The following CPLANE1 variants were observed in gnomAD, a reference collection of about 807,000 sequenced individuals.
CPLANE1 encodes the protein ciliogenesis and planar polarity effector 1.
In CPLANE1, 263 loss-of-function variants were observed where a neutral mutation model predicts 362.5. The observed-to-expected ratio is 0.73, with a 90% CI of 0.66 to 0.80. The LOEUF (loss-of-function observed/expected upper bound fraction) is 0.80. Among genes scored for constraint, CPLANE1 ranks in the 30% least tolerant of loss-of-function variants. CPLANE1 has a pLI of 0.00. For missense variants in CPLANE1, 3,461 were observed against 3,793.4 expected, an observed-to-expected ratio of 0.91 and a Z score of 2.30; for synonymous variants, 1,212 against 1,302.6, an observed-to-expected ratio of 0.93 and a Z score of 1.50.
At chr5:37,089,509 A>G in the CPLANE1 span, among the ~76,000 whole-genome samples, 24 of 152,272 alleles carry the variant, frequency 1.6e-4, no homozygotes, top group Non-Finnish European at 3.2e-4. Context: ...GTTGAAGAGT[A>G]ATTGAAAGCT....
rs1189998308 is a variant in CPLANE1, at chr5:37,209,537, A to C, written c.2921-3112T>G. On this transcript the variant is annotated intron_variant, in intron 16 of 52. Transcript: ENST00000651892. This position sits in a 1 kb window ranked among gnomAD's most constrained non-coding sequence, Gnocchi z 4.6. ...ACCCTGTATTGAGTGGAGAACTGCA[A>C]CCTCAGTCCATTTCAGTGCAAGGGA... 46 of 1,289,162 alleles carry C rather than the reference A, an allele frequency of 3.6e-5. No homozygotes were observed. Among genetic ancestry groups the C allele is most frequent in the Non-Finnish European group, 4.9e-5 (43 of 885,384 alleles). 79.9% of individuals were successfully genotyped at this position (1,289,162 alleles called of 1,614,324 possible).
intron 39 of CPLANE1, 36 bp from the exon 40 acceptor site, chr5:37,157,904 T>C (rs762654179): frequency 1.7e-5 from 20 of 1,161,134 alleles, no homozygotes; most frequent in Non-Finnish European, 2.4e-5. Flanking sequence ...GAGGGTTACA[T>C]TCTTTTTACT....
At chr5:37,160,316 A>G (rs1776489154) in intron 38 of CPLANE1, among the ~76,000 whole-genome samples, 1 of 152,122 alleles carries the variant, frequency 6.6e-6, no homozygotes. Flanking sequence ...GCACTTTGGG[A>G]GGCCGAGGAG....
At chr5:37,140,817 G>C (rs1769476169) in intron 44 of CPLANE1, 1 of 984,558 alleles carries the variant, frequency 1.0e-6, no homozygotes, top group Non-Finnish European at 1.2e-6. Flanking sequence ...TTATTACCAA[G>C]TAAACGTTCT....
chr5:37,095,267 A>G, the CPLANE1 span, among the ~76,000 whole-genome samples: 3 of 152,204 alleles, frequency 2.0e-5, no homozygotes, highest in Non-Finnish European at 4.4e-5. Flanking sequence ...AGGGATGCAG[A>G]GGTGGTTTAA....
chr5:37,176,626 G>A (rs1229091508), intron 30 of CPLANE1, among the ~76,000 whole-genome samples: 3 of 152,028 alleles, frequency 2.0e-5, no homozygotes, highest in Non-Finnish European at 2.9e-5. Context: ...ATTTTCCGAA[G>A]GAATCATTTT....
At chr5:37,236,208 T>C (rs1275938290) in intron 8 of CPLANE1, among the ~76,000 whole-genome samples, 2 of 152,154 alleles carry the variant, frequency 1.3e-5, no homozygotes, top group African/African-American at 2.4e-5. Context: ...CAAAACAGCA[T>C]GGTACTGGTA....
At chr5:37,196,124 TA>T (rs1787344600) in intron 20 of CPLANE1, 128 bp from the exon 21 acceptor site, 14 of 584,676 alleles carry the variant, frequency 2.4e-5, no homozygotes, top group African/African-American at 3.9e-5. Context: ...TGAAATCAGC[TA>T]TATTTTCAGA....
intron 46 of CPLANE1, 134 bp from the exon 47 acceptor site, chr5:37,125,543 G>C: frequency 2.7e-6 from 2 of 732,096 alleles, no homozygotes; most frequent in South Asian, 2.0e-5. Context: ...ATGTTCTCTA[G>C]TCAACTCACT....
Position 37,179,445 on chromosome 5 carries a change from T to C in CPLANE1, c.5738-2A>G, listed in dbSNP as rs565629362. The stretch of plus-strand genomic sequence containing the variant: ...CTCCAACAGATTCTTCAATGTCTTC[T>C]AGCGATAAGTGAAGATGAAGAGAAA... On this transcript the variant is annotated splice_acceptor_variant, in intron 28 of 52. Coordinates refer to ENST00000651892, the MANE Select transcript of CPLANE1 (RefSeq NM_001384732.1). LOFTEE classifies it high-confidence loss of function. 1 of 1,603,996 alleles carries C rather than the reference T, an allele frequency of 6.2e-7. No individual in the cohort carries two copies.
intron 43 of CPLANE1, among the ~76,000 whole-genome samples, chr5:37,143,198 A>G (rs1042892590): frequency 2.6e-5 from 4 of 152,254 alleles, no homozygotes; most frequent in Non-Finnish European, 4.4e-5. Context: ...AGCAAATGCA[A>G]AACTACTCCA....
In CPLANE1 at chr5:37,206,265, G is replaced by A; in HGVS notation, c.3081C>T (p.Asp1027=). 6.4e-7 allele frequency: 1 copy of A among 1,551,742 alleles called. No homozygotes were observed. Among genetic ancestry groups the A allele is most frequent in the Non-Finnish European group, 8.7e-7 (1 of 1,147,006 alleles). Residue 1027 remains aspartate, a synonymous_variant, in exon 17 of 53, where the codon GAC becomes GAT. Transcript: ENST00000651892. ...CACCAATTGAAACAGACGTCTTCCA[G>A]TCTCCAAGTTTATATGCCAACCACA... The part of the protein sequence containing the change: ...EAVWLAYKLG[D]WKTSVSIGVA...
downstream of CPLANE1, among the ~76,000 whole-genome samples, chr5:37,104,544 G>A (rs913765939): frequency 4.6e-5 from 7 of 152,070 alleles, no homozygotes. Context: ...AGGTTGTAGT[G>A]AGCCGAGATT....
chr5:37,104,549 G>A (rs756415634), downstream of CPLANE1, among the ~76,000 whole-genome samples: 3 of 151,478 alleles, frequency 2.0e-5, no homozygotes, highest in Non-Finnish European at 2.9e-5. Flanking sequence ...GTAGTGAGCC[G>A]AGATTGCACC....
the CPLANE1 span, among the ~76,000 whole-genome samples, chr5:37,081,484 G>C: frequency 6.6e-6 from 1 of 151,706 alleles, no homozygotes; most frequent in Non-Finnish European, 1.5e-5. Context: ...CATCACACCT[G>C]GCTAATTTTT....
chr5:37,090,556 C>T, the CPLANE1 span, among the ~76,000 whole-genome samples: 1 of 152,170 alleles, frequency 6.6e-6, no homozygotes, highest in Non-Finnish European at 1.5e-5. Flanking sequence ...CTGATAAACT[C>T]CTTTATTTCT....
In CPLANE1 at chr5:37,175,948, G is replaced by A. The variant is rs752464418; in HGVS notation, c.5939C>T (p.Pro1980Leu). 6 of 1,613,562 alleles carry A rather than the reference G, an allele frequency of 3.7e-6. No homozygotes were observed. The South Asian group carries it at 5.5e-5, about 15-fold the overall frequency. The change falls in exon 31 of 53, where the codon CCT becomes CTT. Residue 1980 changes from proline (P) to leucine (L), a missense_variant. Around this residue, in one of 2 missense-constraint regions of CPLANE1, gnomAD observed 3,380 missense variants for 3,666.1 expected, o/e 0.92. Transcript: ENST00000651892. ...EAFSHPGHTTPQSMQVDTSSE... is the reference protein window; with the variant it reads ...EAFSHPGHTTLQSMQVDTSSE... ...ACTCGTATCTACTTGCATTGATTGA[G>A]GAGTGGTATGCCCAGGATGTGAAAA... is the stretch of plus-strand genomic sequence containing the variant.
At chr5:37,087,475 G>A in the CPLANE1 span, among the ~76,000 whole-genome samples, 6 of 152,156 alleles carry the variant, frequency 3.9e-5, no homozygotes, top group African/African-American at 1.4e-4. Context: ...TTTGTTTTTT[G>A]AGACGGAGTT....
At chr5:37,088,642 C>T in the CPLANE1 span, among the ~76,000 whole-genome samples, 4 of 152,208 alleles carry the variant, frequency 2.6e-5, no homozygotes, top group African/African-American at 9.6e-5. Flanking sequence ...GCCCCGCTCG[C>T]AACTGGGGCA....
Sources: allele counts gnomAD v4.1 joint callset (sites outside exome capture counted in the v4.1 genomes callset), GRCh38; gene constraint gnomAD v4.1.1; regional missense constraint gnomAD v4.1.1; non-coding constraint Gnocchi (gnomAD v3.1); transcripts MANE v1.5; gene names NCBI Gene and HGNC (gene_info 2026-07-23, HGNC 2026-07-21).